SHANK2: variants seen among roughly 807,000 people sequenced by gnomAD.
The protein encoded by SHANK2 is SH3 and multiple ankyrin repeat domains 2.
In SHANK2, 43 loss-of-function variants were observed where a neutral mutation model predicts 133.7. The observed-to-expected ratio is 0.32, with a 90% CI of 0.25 to 0.41. SHANK2 has a LOEUF of 0.41. Among genes scored for constraint, SHANK2 ranks in the 10% least tolerant of loss-of-function variants. The probability of loss-of-function intolerance (pLI) is 1.00; values close to 1 mark genes in which losing one functional copy is unlikely to be tolerated. For synonymous variants in SHANK2, 1,017 were observed against 952.8 expected (o/e 1.07, Z -1.24); for missense variants, 1,994 against 2,235.8 (o/e 0.89, Z 2.18).
chr11:70,817,371 G>T (rs1367409448), intron 12 of SHANK2, among the ~76,000 whole-genome samples: 1 of 152,202 alleles, frequency 6.6e-6, no homozygotes, highest in African/African-American at 2.4e-5. Flanking sequence ...CAGGGAGGCT[G>T]TGAAGGGGTG....
chr11:71,083,120 T>C (rs1439375856), intron 8 of SHANK2, among the ~76,000 whole-genome samples: 1 of 152,120 alleles, frequency 6.6e-6, no homozygotes, highest in Non-Finnish European at 1.5e-5. Context: ...TTTTGTATTT[T>C]TGGTAGAGAC....
chr11:71,240,430 C>T (rs1201295314), intron 1 of SHANK2, among the ~76,000 whole-genome samples: 1 of 152,160 alleles, frequency 6.6e-6, no homozygotes, highest in Non-Finnish European at 1.5e-5. Context: ...TTGCTGCTAA[C>T]TCAAAGGAAG....
intron 8 of SHANK2, among the ~76,000 whole-genome samples, chr11:71,089,351 C>CA (rs1951464726): frequency 6.6e-6 from 1 of 152,214 alleles, no homozygotes; most frequent in South Asian, 2.1e-4. Context: ...ATGGCCACTG[C>CA]ATGAGCACCA....
chr11:70,869,892 T>C (rs1459397681), intron 11 of SHANK2, among the ~76,000 whole-genome samples: 2 of 152,010 alleles, frequency 1.3e-5, no homozygotes, highest in Non-Finnish European at 2.9e-5. Flanking sequence ...TGTGAATGCC[T>C]CCCCTCTGCC....
chr11:71,201,398 T>G (rs973131501), intron 2 of SHANK2, among the ~76,000 whole-genome samples: 2 of 152,216 alleles, frequency 1.3e-5, no homozygotes, highest in Admixed American at 6.5e-5. Context: ...CGCCCGGAGA[T>G]TGCGCCGAGC....
intron 11 of SHANK2, among the ~76,000 whole-genome samples, chr11:70,854,031 G>A (rs189072632): frequency 3.0e-4 from 45 of 152,302 alleles, no homozygotes; most frequent in African/African-American, 1.0e-3. Flanking sequence ...GTTCAAGTTG[G>A]ACATGAAATT....
intron 2 of SHANK2, among the ~76,000 whole-genome samples, chr11:71,172,441 T>A (rs1453881162): frequency 1.3e-5 from 2 of 151,500 alleles, no homozygotes; most frequent in East Asian, 3.9e-4. Context: ...CTACTAAAAA[T>A]ATAAAAATTA....
At chr11:70,949,972 G>A (rs1677332756) in intron 10 of SHANK2, 3 of 435,656 alleles carry the variant, frequency 6.9e-6, no homozygotes, top group East Asian at 7.1e-5. Context: ...GGAGCCGGTA[G>A]GTGCGGTGCC....
At chr11:70,937,431 C>T (rs1466945965) in intron 10 of SHANK2, among the ~76,000 whole-genome samples, 1 of 152,234 alleles carries the variant, frequency 6.6e-6, no homozygotes, top group Non-Finnish European at 1.5e-5. Flanking sequence ...GAGGCCCCTC[C>T]TATGTGACCT....
intron 10 of SHANK2, among the ~76,000 whole-genome samples, chr11:70,901,106 C>T (rs531762229): frequency 2.1e-4 from 32 of 152,226 alleles, no homozygotes; most frequent in East Asian, 3.9e-4. Flanking sequence ...TATCTCTACT[C>T]GACAGAGGGG....
intron 8 of SHANK2, among the ~76,000 whole-genome samples, chr11:71,090,194 G>GTGTGTGTGTA (rs1951483195): frequency 6.9e-6 from 1 of 145,434 alleles, no homozygotes; most frequent in Non-Finnish European, 1.5e-5. Flanking sequence ...GTGTGTGTGT[G>GTGTGTGTGTA]TGTGTATGTG....
chr11:70,787,416 C>CT (rs1947691155), intron 14 of SHANK2, among the ~76,000 whole-genome samples: 1 of 150,842 alleles, frequency 6.6e-6, no homozygotes, highest in African/African-American at 2.5e-5. Flanking sequence ...GTGACCACCA[C>CT]CACCACCAGC....
At chr11:71,075,575 G>A (rs934163900) in intron 8 of SHANK2, among the ~76,000 whole-genome samples, 14 of 152,276 alleles carry the variant, frequency 9.2e-5, no homozygotes, top group South Asian at 2.1e-4. Flanking sequence ...TCCTGATCCC[G>A]GGGCCTAGAG....
At chr11:70,552,928 G>C (rs2059788193) in intron 17 of SHANK2, among the ~76,000 whole-genome samples, 1 of 152,096 alleles carries the variant, frequency 6.6e-6, no homozygotes, top group Non-Finnish European at 1.5e-5. Context: ...TGAGAGCAAC[G>C]TATCTCAGCG....
chr11:70,587,195 T>A (rs1554986988), intron 17 of SHANK2, among the ~76,000 whole-genome samples: 2 of 152,174 alleles, frequency 1.3e-5, no homozygotes, highest in Non-Finnish European at 2.9e-5. Context: ...GGCCGGGCTT[T>A]ATGAAAGCAG....
chr11:70,615,618 C>T (rs1330746287), intron 17 of SHANK2, among the ~76,000 whole-genome samples: 2 of 152,306 alleles, frequency 1.3e-5, no homozygotes, highest in Middle Eastern at 3.4e-3. Flanking sequence ...TCCCAGGCTT[C>T]TATTGTCCCT....
chr11:70,871,460 A>G (rs1949461547), intron 11 of SHANK2, among the ~76,000 whole-genome samples: 1 of 152,222 alleles, frequency 6.6e-6, no homozygotes, highest in African/African-American at 2.4e-5. Flanking sequence ...GATGAGCCAC[A>G]TAGCCTGGCA....
chr11:70,647,604 G>T (rs1555008821), intron 17 of SHANK2: 1 of 152,232 alleles, frequency 6.6e-6, no homozygotes, highest in East Asian at 1.9e-4. Flanking sequence ...CTCAAAAACG[G>T]TGCTGGCACA....
intron 11 of SHANK2, among the ~76,000 whole-genome samples, chr11:70,873,691 C>A (rs1254852138): frequency 6.6e-6 from 1 of 152,120 alleles, no homozygotes; most frequent in East Asian, 1.9e-4. Context: ...CTGCAAAGGA[C>A]ATTGAGTGCG....
Sources: allele counts gnomAD v4.1 joint callset (sites outside exome capture counted in the v4.1 genomes callset), GRCh38; gene constraint gnomAD v4.1.1; transcripts MANE v1.5; gene names NCBI Gene and HGNC (gene_info 2026-07-23, HGNC 2026-07-21).